The following KRABD2 variants were observed in gnomAD, a reference collection of about 807,000 sequenced individuals.
KRABD2 encodes the protein KRAB domain-containing protein 2.
the KRABD2 span, chr17:8,370,152 C>T: frequency 2.7e-5 from 44 of 1,613,946 alleles, no homozygotes; most frequent in African/African-American, 5.3e-5. Context: ...GCGATAATCA[C>T]GTGATGACTT....
the KRABD2 span, chr17:8,369,970 C>T: frequency 6.2e-7 from 1 of 1,614,162 alleles, no homozygotes; most frequent in East Asian, 2.2e-5. Flanking sequence ...CCTTGCAGCT[C>T]CTTGAGCATG....
chr17:8,364,514 C>T, the KRABD2 span, among the ~76,000 whole-genome samples: 1 of 152,134 alleles, frequency 6.6e-6, no homozygotes, highest in Non-Finnish European at 1.5e-5. This position sits in a 1 kb window ranked among gnomAD's most constrained non-coding sequence, Gnocchi z 4.4. Flanking sequence ...CACCATGCCC[C>T]GCAGTGGCCT....
At chr17:8,373,141 C>T in the KRABD2 span, among the ~76,000 whole-genome samples, 15 of 97,984 alleles carry the variant, frequency 1.5e-4, no homozygotes, top group African/African-American at 5.0e-4. Context: ...CCCTCTCCCT[C>T]TCTCCCTCTC....
chr17:8,359,554 T>C, the KRABD2 span: 2 of 455,804 alleles, frequency 4.4e-6, no homozygotes, highest in Admixed American at 4.7e-5. Flanking sequence ...CTTATAAATG[T>C]CCAATGAATG....
At chr17:8,366,862 C>T in the KRABD2 span, among the ~76,000 whole-genome samples, 1 of 152,092 alleles carries the variant, frequency 6.6e-6, no homozygotes, top group African/African-American at 2.4e-5. Context: ...GCCAGGATTA[C>T]AGGTGCATGC....
At chr17:8,371,357 A>G in the KRABD2 span, 6 of 1,614,066 alleles carry the variant, frequency 3.7e-6, no homozygotes, top group African/African-American at 1.3e-5. Flanking sequence ...TCTCTGTAGC[A>G]ATCCTTTTGA....
chr17:8,367,678 A>C, the KRABD2 span, among the ~76,000 whole-genome samples: 3 of 151,698 alleles, frequency 2.0e-5, no homozygotes, highest in African/African-American at 7.3e-5. Flanking sequence ...AAAAAAAAAA[A>C]AACAAGTGAA....
chr17:8,366,353 T>G, the KRABD2 span, among the ~76,000 whole-genome samples: 1 of 152,170 alleles, frequency 6.6e-6, no homozygotes, highest in African/African-American at 2.4e-5. Flanking sequence ...GGCCTTGCCC[T>G]ACTCCTCTCT....
chr17:8,374,125 G>A, the KRABD2 span, among the ~76,000 whole-genome samples: 1 of 152,266 alleles, frequency 6.6e-6, no homozygotes, highest in Non-Finnish European at 1.5e-5. Context: ...TCTGGGAGGT[G>A]TACCCAACAG....
At chr17:8,366,016 T>C in the KRABD2 span, among the ~76,000 whole-genome samples, 1 of 151,872 alleles carries the variant, frequency 6.6e-6, no homozygotes, top group African/African-American at 2.4e-5. Flanking sequence ...TAATCCCAGC[T>C]ACTTGGGAGG....
chr17:8,372,424 A>T, the KRABD2 span, among the ~76,000 whole-genome samples: 2 of 152,284 alleles, frequency 1.3e-5, no homozygotes, highest in South Asian at 4.1e-4. The surrounding 1 kb of genome is among the most constrained non-coding windows in gnomAD (Gnocchi z 4.1). Context: ...CAAAAAACCC[A>T]GGCCGGTCTC....
At chr17:8,363,873 ATTTATTTATTTT>A in the KRABD2 span, among the ~76,000 whole-genome samples, 169 of 118,572 alleles carry the variant, frequency 1.4e-3, 1 homozygote, top group South Asian at 5.5e-3. Flanking sequence ...TTATTTATTT[ATTTATTTATTTT>A]TTAGACAGAT....
the KRABD2 span, chr17:8,369,830 G>A: frequency 2.5e-6 from 4 of 1,614,202 alleles, no homozygotes; most frequent in Admixed American, 5.0e-5. Flanking sequence ...CTTGGCATGT[G>A]GAGTCTATGT....
chr17:8,371,519 C>G, the KRABD2 span: 2 of 1,601,516 alleles, frequency 1.2e-6, no homozygotes, highest in African/African-American at 2.7e-5. Flanking sequence ...AGAGAGGGCA[C>G]CAGGAATGAA....
the KRABD2 span, among the ~76,000 whole-genome samples, chr17:8,363,787 CATATATATCATACAT>C: frequency 1.9e-4 from 25 of 133,706 alleles, no homozygotes; most frequent in South Asian, 4.1e-3. Context: ...ATATGTCATA[CATATATATCATACAT>C]ATATATATCA....
At chr17:8,374,937 CAAAAAAAAAAAA>C in the KRABD2 span, among the ~76,000 whole-genome samples, 1 of 46,180 alleles carries the variant, frequency 2.2e-5, no homozygotes, top group East Asian at 1.1e-3. Context: ...GACTCTGTCA[CAAAAAAAAAAAA>C]AAAAAAAAAA....
At chr17:8,376,196 AT>A in the KRABD2 span, 2 of 1,231,548 alleles carry the variant, frequency 1.6e-6, no homozygotes, top group Middle Eastern at 6.2e-4. Context: ...TTTAAAGGAC[AT>A]TTTGTCAAAA....
At chr17:8,368,639 T>C in the KRABD2 span, 2 of 151,108 alleles carry the variant, frequency 1.3e-5, no homozygotes, top group Non-Finnish European at 2.9e-5. Flanking sequence ...GGTGGTAATT[T>C]TTTTTTTTTT....
At chr17:8,363,168 A>G in the KRABD2 span, among the ~76,000 whole-genome samples, 1 of 152,194 alleles carries the variant, frequency 6.6e-6, no homozygotes, top group African/African-American at 2.4e-5. Flanking sequence ...TGCCATTAAT[A>G]GAACTAGTGG....
Sources: allele counts gnomAD v4.1 joint callset (sites outside exome capture counted in the v4.1 genomes callset), GRCh38; gene constraint gnomAD v4.1.1; non-coding constraint Gnocchi (gnomAD v3.1); transcripts MANE v1.5; gene names NCBI Gene and HGNC (gene_info 2026-07-23, HGNC 2026-07-21).